Variants in EYS observed in about 807,000 individuals in gnomAD.
EYS encodes the protein EGF-like photoreceptor maintenance factor.
A neutral mutation model predicts 282.1 loss-of-function variants in EYS; 250 were observed. The ratio of observed to expected loss-of-function variants is 0.89; its 90% confidence interval spans 0.80 to 0.98. EYS has a LOEUF of 0.98. Among genes scored for constraint, EYS ranks in the 50% least tolerant of loss-of-function variants. The pLI, the probability that EYS is intolerant of heterozygous loss-of-function variation, is 0.00. For synonymous variants in EYS, 1,355 were observed against 1,282.9 expected (o/e 1.06, Z -1.20); for missense variants, 4,016 against 3,709.0 (o/e 1.08, Z -2.15).
At chr6:65,232,370 T>A (rs960506492) in intron 12 of EYS, among the ~76,000 whole-genome samples, 1 of 152,118 alleles carries the variant, frequency 6.6e-6, no homozygotes, top group Non-Finnish European at 1.5e-5. Context: ...ACCACTGTGA[T>A]CTACTGTATT....
chr6:65,061,111 T>C (rs1283763163), intron 12 of EYS, among the ~76,000 whole-genome samples: 1 of 151,920 alleles, frequency 6.6e-6, no homozygotes, highest in East Asian at 1.9e-4. Flanking sequence ...TTTCAGAGTG[T>C]GTTCCACATG....
intron 5 of EYS, among the ~76,000 whole-genome samples, chr6:65,476,357 T>G (rs561032514): frequency 6.6e-6 from 1 of 152,274 alleles, no homozygotes; most frequent in East Asian, 1.9e-4. Context: ...CAGAAAAAGG[T>G]ATTACATTTT....
intron 7 of EYS, among the ~76,000 whole-genome samples, chr6:65,397,570 A>G (rs1766330012): frequency 7.1e-6 from 1 of 140,062 alleles, no homozygotes; most frequent in African/African-American, 2.7e-5. Flanking sequence ...TGGGTGGCTA[A>G]GTTGTATTTC....
At chr6:65,394,846 GTCTACA>G (rs1172715833) in intron 7 of EYS, among the ~76,000 whole-genome samples, 6 of 152,010 alleles carry the variant, frequency 3.9e-5, no homozygotes, top group Non-Finnish European at 7.4e-5. Context: ...ACAGCCCAAT[GTCTACA>G]TGTTGTATAG....
intron 12 of EYS, among the ~76,000 whole-genome samples, chr6:65,260,891 A>G (rs1767602552): frequency 6.6e-6 from 1 of 152,096 alleles, no homozygotes; most frequent in African/African-American, 2.4e-5. Flanking sequence ...TTATTCTATC[A>G]AGATGAATTA....
At chr6:63,826,845 C>CAAAAAAAAAAAAAAAAAAGAAAAAA (rs1771475758) in intron 36 of EYS, among the ~76,000 whole-genome samples, 88 of 76,756 alleles carry the variant, frequency 1.1e-3, no homozygotes, top group East Asian at 2.5e-3. Context: ...AGTTAAAAAG[C>CAAAAAAAAAAAAAAAAAAGAAAAAA]AAAAAAAAAA....
At chr6:65,415,569 C>T (rs768188187) in intron 5 of EYS, among the ~76,000 whole-genome samples, 6 of 151,906 alleles carry the variant, frequency 3.9e-5, no homozygotes, top group African/African-American at 7.3e-5. Flanking sequence ...TAGAGTGACA[C>T]ATGGAATCCC....
intron 13 of EYS, among the ~76,000 whole-genome samples, chr6:65,016,846 G>C (rs969596325): frequency 6.6e-6 from 1 of 152,072 alleles, no homozygotes; most frequent in East Asian, 1.9e-4. Context: ...AAAGTTCTAT[G>C]AAAAGACAGT....
At chr6:65,697,231 T>C (rs1382302887) in intron 1 of EYS, among the ~76,000 whole-genome samples, 1 of 152,076 alleles carries the variant, frequency 6.6e-6, no homozygotes, top group Admixed American at 6.5e-5. Flanking sequence ...TCTCAGTGTA[T>C]ATCATAACGA....
chr6:65,572,552 G>T (rs1019843941), intron 2 of EYS, among the ~76,000 whole-genome samples: 2 of 152,054 alleles, frequency 1.3e-5, no homozygotes, highest in Admixed American at 1.3e-4. Context: ...CAGGGGAAAT[G>T]AAATTAAAAT....
chr6:65,124,668 T>C (rs75963281), intron 12 of EYS, among the ~76,000 whole-genome samples: 385 of 152,238 alleles, frequency 2.5e-3, no homozygotes, highest in African/African-American at 8.4e-3. Context: ...GTTCTCTTCA[T>C]TTAGGAACAT....
intron 26 of EYS, among the ~76,000 whole-genome samples, chr6:64,560,441 C>T (rs1219174881): frequency 1.3e-5 from 2 of 151,972 alleles, no homozygotes; most frequent in African/African-American, 2.4e-5. Context: ...AAAACACTGG[C>T]TTTAAAGAAA....
At chr6:64,368,838 C>G (rs1319047417) in intron 29 of EYS, among the ~76,000 whole-genome samples, 1 of 151,960 alleles carries the variant, frequency 6.6e-6, no homozygotes, top group Admixed American at 6.6e-5. Flanking sequence ...CAAATATTTT[C>G]CCTCATTCTG....
At chr6:64,296,579 TATATACATATATA>T (rs1769018013) in intron 30 of EYS, among the ~76,000 whole-genome samples, 6 of 6,724 alleles carry the variant, frequency 8.9e-4, no homozygotes, top group African/African-American at 4.4e-3. Flanking sequence ...TATATATATA[TATATACATATATA>T]TATATATTTT....
chr6:65,290,314 T>C (rs2150282479), intron 12 of EYS, among the ~76,000 whole-genome samples: 1 of 151,194 alleles, frequency 6.6e-6, no homozygotes, highest in East Asian at 1.9e-4. Flanking sequence ...AAATAAGTTC[T>C]TGAAAATAAC....
intron 31 of EYS, among the ~76,000 whole-genome samples, chr6:64,100,507 T>C (rs1421402031): frequency 2.0e-5 from 3 of 152,258 alleles, no homozygotes; most frequent in Middle Eastern, 3.4e-3. Context: ...ATTTTTTTTT[T>C]CCACAGCATT....
intron 30 of EYS, among the ~76,000 whole-genome samples, chr6:64,289,852 A>G (rs1396493646): frequency 1.3e-5 from 2 of 152,166 alleles, no homozygotes; most frequent in East Asian, 1.9e-4. Flanking sequence ...AGAAATTTGA[A>G]TTTTGATTTA....
In EYS at chr6:65,145,692, T is replaced by G. The variant is rs374801204; in HGVS notation, c.2024-87965A>C. Among the ~76,000 whole-genome samples the G allele has an allele frequency of 2.0e-4, 31 of 152,174 alleles. No individual in the cohort carries two copies. In the East Asian group the frequency reaches 5.8e-3, roughly 29 times the overall value. ...CCAGGAATCTTTGCACCACTGGTAT[T>G]TATTCAGTAATACACAGTTTGATCC... On this transcript the variant is annotated intron_variant, in intron 12 of 42. Transcript: ENST00000503581.
At chr6:65,516,569 G>T (rs1034881032) in intron 2 of EYS, among the ~76,000 whole-genome samples, 3 of 152,056 alleles carry the variant, frequency 2.0e-5, no homozygotes, top group African/African-American at 7.2e-5. Flanking sequence ...TATAGAGTGA[G>T]ATAATTTCTT....
Sources: gnomAD v4.1 joint callset for allele counts (sites outside exome capture counted in the v4.1 genomes callset) on GRCh38, gnomAD v4.1.1 for gene constraint, MANE v1.5 for transcripts, NCBI Gene and HGNC (gene_info 2026-07-23, HGNC 2026-07-21) for gene names.